CEP83: variants seen among roughly 807,000 people sequenced by gnomAD.
The protein encoded by CEP83 is centrosomal protein 83, also known as centrosomal protein of 83 kDa.
A neutral mutation model predicts 101.9 loss-of-function variants in CEP83; 70 were observed. That is an observed-to-expected ratio of 0.69 (90% CI 0.57 to 0.84). CEP83 has a LOEUF of 0.84. Ranked by LOEUF, CEP83 falls within the 40% of genes least tolerant of loss-of-function variation. The pLI is 0.00. For missense variants in CEP83, 715 were observed against 787.2 expected, an observed-to-expected ratio of 0.91 and a Z score of 1.10; for synonymous variants, 264 against 267.9, an observed-to-expected ratio of 0.99 and a Z score of 0.14.
At chr12:94,378,028 T>C (rs1340028564) in intron 7 of CEP83, among the ~76,000 whole-genome samples, 1 of 152,146 alleles carries the variant, frequency 6.6e-6, no homozygotes, top group Admixed American at 6.5e-5. Flanking sequence ...GATTTGGATA[T>C]TGATTTTAAC....
chr12:94,392,304 G>A (rs957669935), intron 6 of CEP83, among the ~76,000 whole-genome samples: 1 of 152,188 alleles, frequency 6.6e-6, no homozygotes, highest in Non-Finnish European at 1.5e-5. Flanking sequence ...AGACCACAGT[G>A]CAATAAAATT....
chr12:94,344,494 G>A (rs1212607298), intron 11 of CEP83, among the ~76,000 whole-genome samples: 1 of 152,116 alleles, frequency 6.6e-6, no homozygotes, highest in Non-Finnish European at 1.5e-5. Flanking sequence ...TAGAAAATAT[G>A]TGACTTTAGT....
chr12:94,338,448 C>T (rs1391827792), intron 11 of CEP83, among the ~76,000 whole-genome samples: 2 of 152,124 alleles, frequency 1.3e-5, no homozygotes, highest in Non-Finnish European at 2.9e-5. Flanking sequence ...ACGGGGCTTA[C>T]AAATGCTCAT....
rs764043904 is a variant in CEP83, at chr12:94,412,431, T to C, written c.60A>G (p.Gly20=). Reference sequence around the variant, plus strand: ...ACTGAGAACCTGTCAATCCACTGTCTCCACCAGGAGGAAAATTATTGGGAA... The same window carrying C: ...ACTGAGAACCTGTCAATCCACTGTCCCCACCAGGAGGAAAATTATTGGGAA... ...DTFPNNFPPG[G]DSGLTGSQSE... is the part of the protein sequence containing the mutation. The change falls in exon 3 of 17, where the codon GGA becomes GGG. Residue 20 remains glycine (G), a synonymous_variant. Coordinates refer to ENST00000397809, the MANE Select transcript of CEP83 (RefSeq NM_016122.3). The C allele has an allele frequency of 3.5e-5, 56 of 1,612,668 alleles. 1 individual carries two copies. In the Admixed American group the frequency reaches 9.2e-4, roughly 26 times the overall value.
intron 14 of CEP83, among the ~76,000 whole-genome samples, chr12:94,328,461 C>T (rs2059066893): frequency 6.6e-6 from 1 of 152,182 alleles, no homozygotes; most frequent in Non-Finnish European, 1.5e-5. Context: ...GAAAAAAGAA[C>T]TTTTCACAGG....
rs149324362 is a variant in CEP83 at position 94,378,712 on chromosome 12, T to A, written c.801+79A>T. ...CATTAGCTTGGGGGGCATACATTTA[T>A]GCTCTAAAAATCAAAGGCTTGTCAA... is the stretch of plus-strand genomic sequence containing the variant. On this transcript the variant is annotated intron_variant, in intron 7 of 16. Coordinates refer to ENST00000397809, the MANE Select transcript of CEP83 (RefSeq NM_016122.3). 1,909 of 1,480,644 alleles carry A rather than the reference T, an allele frequency of 1.3e-3. 24 individuals are homozygous for A. In the East Asian group the frequency reaches 0.029, roughly 23 times the overall value. 91.7% of individuals were successfully genotyped at this position (1,480,644 alleles called of 1,614,324 possible). A position where few individuals can be genotyped will look rare whatever the true frequency, so the allele number is the denominator to read the frequency against.
chr12:94,438,327 C>T lies in CEP83; in HGVS notation c.-154-3000G>A, dbSNP rs561191762. ...CCTAATACATAAGGACTCATATAAA[C>T]TTATAAGGTAAAGGGGTGGAAAAAG... On this transcript the variant is annotated intron_variant, in intron 1 of 16. Transcript: ENST00000397809. 2.2e-4 allele frequency among the ~76,000 whole-genome samples: 34 copies of T among 151,800 alleles called. No individual in the cohort carries two copies. In the South Asian group the frequency reaches 7.1e-3, roughly 32 times the overall value.
At position 94,365,460 on chromosome 12, in the gene CEP83, G is replaced by GATTGCATC. The variant is rs201002360; in HGVS notation, c.1343+2333_1343+2334insGATGCAAT. Reference sequence around the variant, plus strand: ...AAATATTTACATGTACAACATTATTGATTAGTTGTAATCACAAAATACTGG... The same window carrying GATTGCATC: ...AAATATTTACATGTACAACATTATTGATTGCATCATTAGTTGTAATCACAAAATACTGG... On this transcript the variant is annotated intron_variant, in intron 11 of 16. Transcript: ENST00000397809. 7.8e-4 allele frequency among the ~76,000 whole-genome samples: 119 copies of GATTGCATC among 152,210 alleles called. 1 individual carries two copies. The East Asian group carries it at 0.022, about 28-fold the overall frequency.
chr12:94,411,057 G>T (rs1034250509), intron 4 of CEP83, among the ~76,000 whole-genome samples: 1 of 152,134 alleles, frequency 6.6e-6, no homozygotes, highest in Non-Finnish European at 1.5e-5. Flanking sequence ...GCTCTTCAGA[G>T]ATTAAATAAA....
intron 2 of CEP83, among the ~76,000 whole-genome samples, chr12:94,434,410 T>C (rs2065855997): frequency 6.6e-6 from 1 of 152,212 alleles, no homozygotes; most frequent in Non-Finnish European, 1.5e-5. Context: ...GTAAGACTTT[T>C]CAAGTTATAC....
chr12:94,385,465 A>G (rs2137280972), intron 6 of CEP83, among the ~76,000 whole-genome samples: 1 of 152,282 alleles, frequency 6.6e-6, no homozygotes, highest in Non-Finnish European at 1.5e-5. Flanking sequence ...ACAGCATGGC[A>G]GAGGATGGGA....
At chr12:94,428,513 G>A (rs68122601) in intron 2 of CEP83, among the ~76,000 whole-genome samples, 5 of 152,016 alleles carry the variant, frequency 3.3e-5, no homozygotes, top group South Asian at 2.1e-4. Flanking sequence ...GATTTATGCC[G>A]TAATCTGAAA....
chr12:94,426,675 A>T (rs1431965748), intron 2 of CEP83, among the ~76,000 whole-genome samples: 3 of 152,256 alleles, frequency 2.0e-5, no homozygotes, highest in South Asian at 2.1e-4. Context: ...ATATACTTTT[A>T]AAAAAAGGGT....
At chr12:94,304,919 A>C (rs768545877), downstream of CEP83, among the ~76,000 whole-genome samples, 6 of 152,236 alleles carry the variant, frequency 3.9e-5, no homozygotes, top group Non-Finnish European at 7.3e-5. Context: ...ATAATGCATA[A>C]AGCAGGGCCT....
At chr12:94,278,843 C>G in the CEP83 span, among the ~76,000 whole-genome samples, 6 of 152,024 alleles carry the variant, frequency 3.9e-5, no homozygotes, top group Admixed American at 6.6e-5. Context: ...TAAAAAAATA[C>G]AAAAATTAGC....
intron 1 of CEP83, among the ~76,000 whole-genome samples, chr12:94,456,760 A>G (rs1013908803): frequency 6.6e-6 from 1 of 152,172 alleles, no homozygotes; most frequent in African/African-American, 2.4e-5. Flanking sequence ...GATTATGGGG[A>G]TTATAATTCA....
At chr12:94,361,097 T>C (rs1346510426) in intron 11 of CEP83, 1 of 151,950 alleles carries the variant, frequency 6.6e-6, no homozygotes, top group South Asian at 2.1e-4. Context: ...TATATAAAAA[T>C]CAAAAACTTA....
At chr12:94,282,339 G>A in the CEP83 span, 6 of 1,613,880 alleles carry the variant, frequency 3.7e-6, no homozygotes, top group African/African-American at 2.7e-5. Context: ...TCTGGACATC[G>A]ACAGTTCCTC....
At chr12:94,307,346 T>C (rs1969149100), downstream of CEP83, 1 of 152,228 alleles carries the variant, frequency 6.6e-6, no homozygotes, top group African/African-American at 2.4e-5. Flanking sequence ...GATCACATTT[T>C]GGATCACATT....
Sources: allele counts gnomAD v4.1 joint callset (sites outside exome capture counted in the v4.1 genomes callset), GRCh38; gene constraint gnomAD v4.1.1; transcripts MANE v1.5; gene names NCBI Gene and HGNC (gene_info 2026-07-23, HGNC 2026-07-21).